Variants in SLC25A26 observed in about 807,000 individuals in gnomAD.
The protein encoded by SLC25A26 is mitochondrial S-adenosylmethionine carrier protein.
SLC25A26 carries 36 observed loss-of-function variants against 37.8 expected under a neutral mutation model. That is an observed-to-expected ratio of 0.95 (90% CI 0.73 to 1.26). The LOEUF (loss-of-function observed/expected upper bound fraction) is 1.26, where lower values mean the gene tolerates loss of function less well. Ranked by LOEUF, SLC25A26 falls within the 50% of genes most tolerant of loss-of-function variation. The pLI is 0.00. For missense variants in SLC25A26, 390 were observed against 331.1 expected (o/e 1.18, Z -1.38); for synonymous variants, 129 against 122.5 (o/e 1.05, Z -0.35).
Position 66,229,547 on chromosome 3 carries a change from C to A in SLC25A26, c.34-6997C>A, listed in dbSNP as rs139134018. On this transcript the variant is annotated intron_variant, in intron 1 of 9. Coordinates refer to ENST00000354883, the MANE Select transcript of SLC25A26 (RefSeq NM_001379210.1). Reference sequence around the variant, plus strand: ...CCCCTCTTGCACTCTCTGTGTCCTGCCGCCCTGTGAAGAAGGTGCCTGCTT... The same window carrying A: ...CCCCTCTTGCACTCTCTGTGTCCTGACGCCCTGTGAAGAAGGTGCCTGCTT... 7.6e-3 allele frequency among the ~76,000 whole-genome samples: 1,154 copies of A among 152,324 alleles called. 19 individuals are homozygous for A. Among genetic ancestry groups the A allele is most frequent in the African/African-American group, 0.026 (1,092 of 41,568 alleles).
chr3:66,197,811 G>A (rs1387642971), intron 1 of SLC25A26, among the ~76,000 whole-genome samples: 1 of 151,970 alleles, frequency 6.6e-6, no homozygotes, highest in Non-Finnish European at 1.5e-5. Context: ...ATGTGTAAGG[G>A]TAAGGCTCAC....
chr3:66,242,198 G>T (rs1243193272), intron 2 of SLC25A26, among the ~76,000 whole-genome samples: 1 of 152,206 alleles, frequency 6.6e-6, no homozygotes, highest in Admixed American at 6.5e-5. Context: ...TTTCTTGGGG[G>T]TTAGGAGGGT....
rs2107807582 is a variant in SLC25A26 at position 66,362,894 on chromosome 3, A to G, written c.533A>G (p.Asp178Gly). ...TCCTGGAGGCAGGATCATGTGGTGG[A>G]TTCTTGGCAGTCAGCAGTCTGTGGA... Reference protein sequence around the residue: ...LWSWRQDHVVDSWQSAVCGAF... With the variant: ...LWSWRQDHVVGSWQSAVCGAF... Residue 178 changes from aspartate to glycine, a missense_variant, in exon 7 of 10, where the codon GAT (aspartate) becomes GGT (glycine). Physicochemically the swap from Asp to Gly is moderately conservative, Grantham distance 94. Transcript: ENST00000354883. The G allele has an allele frequency of 6.2e-7, 1 of 1,608,784 alleles. No individual in the cohort carries two copies. Among genetic ancestry groups the G allele is most frequent in the African/African-American group, 1.3e-5 (1 of 74,902 alleles).
chr3:66,346,314 A>ACTTGGCTC (rs2076321314), intron 5 of SLC25A26, 50 bp from the exon 6 acceptor site: 2 of 990,204 alleles, frequency 2.0e-6, no homozygotes, highest in African/African-American at 3.4e-5. Context: ...ATACAGGCAA[A>ACTTGGCTC]CTTGGCTCTT....
chr3:66,293,371 C>CT (rs971431719), intron 5 of SLC25A26, among the ~76,000 whole-genome samples: 16 of 150,688 alleles, frequency 1.1e-4, no homozygotes, highest in African/African-American at 2.9e-4. Context: ...TTTGTTAATT[C>CT]TTTTTTTTTA....
chr3:66,310,166 T>A (rs1354406125), intron 5 of SLC25A26, among the ~76,000 whole-genome samples: 2 of 152,272 alleles, frequency 1.3e-5, no homozygotes, highest in African/African-American at 4.8e-5. Context: ...GAACTTGCTT[T>A]ATGAATCTGA....
At chr3:66,268,239 T>A (rs2107331767) in intron 5 of SLC25A26, among the ~76,000 whole-genome samples, 1 of 152,358 alleles carries the variant, frequency 6.6e-6, no homozygotes, top group South Asian at 2.1e-4. Flanking sequence ...TGTTATTTTA[T>A]ACATGGTTGA....
At position 66,237,308 on chromosome 3, in the gene SLC25A26, A is replaced by G. The variant is rs148324771; in HGVS notation, c.190+608A>G. ...TGATTCTTCAGAACAATCATTCTCAACTTTGCCTGCACATTAGAATCTACT... is the reference window on the plus strand; with the variant it reads ...TGATTCTTCAGAACAATCATTCTCAGCTTTGCCTGCACATTAGAATCTACT... On this transcript the variant is annotated intron_variant, in intron 2 of 9. Transcript: ENST00000354883. Among the ~76,000 whole-genome samples, 806 of 152,348 alleles carry G rather than the reference A, an allele frequency of 5.3e-3. 8 individuals are homozygous for G. The highest frequency in any genetic ancestry group is 0.017 in the African/African-American group (720 of 41,590).
At chr3:66,251,643 G>T (rs2073089143) in intron 3 of SLC25A26, among the ~76,000 whole-genome samples, 1 of 152,124 alleles carries the variant, frequency 6.6e-6, no homozygotes, top group Non-Finnish European at 1.5e-5. Flanking sequence ...ATCTGTGTGT[G>T]GTTATGACCT....
intron 1 of SLC25A26, among the ~76,000 whole-genome samples, chr3:66,175,591 G>T (rs1275405697): frequency 1.3e-5 from 2 of 152,200 alleles, no homozygotes; most frequent in African/African-American, 4.8e-5. Context: ...GATCTGCAGG[G>T]TGTGTCAGCA....
At chr3:66,310,683 C>T (rs2075352723) in intron 5 of SLC25A26, among the ~76,000 whole-genome samples, 1 of 152,086 alleles carries the variant, frequency 6.6e-6, no homozygotes, top group African/African-American at 2.4e-5. Context: ...GTAAGGCAGG[C>T]CCGGTGGTGA....
At chr3:66,372,106 C>CA (rs1202360017) in intron 9 of SLC25A26, among the ~76,000 whole-genome samples, 1 of 152,140 alleles carries the variant, frequency 6.6e-6, no homozygotes. Context: ...AAAACAACAA[C>CA]AAAAAAGTTC....
intron 1 of SLC25A26, among the ~76,000 whole-genome samples, chr3:66,186,904 G>A (rs1338435973): frequency 1.3e-5 from 2 of 151,946 alleles, no homozygotes; most frequent in Non-Finnish European, 2.9e-5. Flanking sequence ...GCTTGCTTGT[G>A]AACTTTAACC....
chr3:66,222,374 G>C (rs949742468), intron 1 of SLC25A26, among the ~76,000 whole-genome samples: 15 of 152,086 alleles, frequency 9.9e-5, no homozygotes, highest in African/African-American at 2.9e-4. Flanking sequence ...TGGAGACGGG[G>C]TTTCACCGTG....
At chr3:66,153,190 A>G (rs753063160) in intron 1 of SLC25A26, among the ~76,000 whole-genome samples, 1 of 152,134 alleles carries the variant, frequency 6.6e-6, no homozygotes, top group Non-Finnish European at 1.5e-5. Flanking sequence ...TACTACTGAT[A>G]TCTAGTGGAA....
intron 3 of SLC25A26, among the ~76,000 whole-genome samples, chr3:66,245,465 G>A (rs1207482529): frequency 1.3e-5 from 2 of 151,940 alleles, no homozygotes; most frequent in Admixed American, 1.3e-4. Context: ...CCTTGTGATG[G>A]GCATAATAGA....
chr3:66,239,595 C>T (rs532766303), intron 2 of SLC25A26, among the ~76,000 whole-genome samples: 2 of 152,292 alleles, frequency 1.3e-5, no homozygotes, highest in South Asian at 4.1e-4. Context: ...ACTTCTTCAG[C>T]TTTAGATCTT....
At chr3:66,315,890 GT>G (rs971810033) in intron 5 of SLC25A26, among the ~76,000 whole-genome samples, 3 of 152,126 alleles carry the variant, frequency 2.0e-5, no homozygotes, top group East Asian at 1.9e-4. Flanking sequence ...CTTTTTTAAT[GT>G]TTGTTGGTTT....
chr3:66,213,574 C>T (rs1416375801), intron 1 of SLC25A26, among the ~76,000 whole-genome samples: 1 of 151,958 alleles, frequency 6.6e-6, no homozygotes, highest in Non-Finnish European at 1.5e-5. Context: ...ATGACATTAT[C>T]AATATTCTTT....
Sources: allele counts gnomAD v4.1 joint callset (sites outside exome capture counted in the v4.1 genomes callset), GRCh38; gene constraint gnomAD v4.1.1; transcripts MANE v1.5; gene names NCBI Gene and HGNC (gene_info 2026-07-23, HGNC 2026-07-21).